The following INO80D variants were observed in gnomAD, a reference collection of about 807,000 sequenced individuals.
INO80D encodes the protein INO80 complex subunit D.
INO80D carries 21 observed loss-of-function variants against 87.6 expected under a neutral mutation model. The ratio of observed to expected loss-of-function variants is 0.24; its 90% confidence interval spans 0.17 to 0.35. INO80D has a LOEUF of 0.35. INO80D is among the 10% of genes least tolerant of loss of function. The pLI is 1.00. For missense variants in INO80D, 982 were observed against 1,280.7 expected, an observed-to-expected ratio of 0.77 and a Z score of 3.56; for synonymous variants, 440 against 491.0, an observed-to-expected ratio of 0.90 and a Z score of 1.37.
rs539380205 is a variant in INO80D, at chr2:206,015,314, G to A, written c.1542+2366C>T. Among the ~76,000 whole-genome samples the A allele has an allele frequency of 4.6e-5, 7 of 152,234 alleles. No individual in the cohort carries two copies. In the South Asian group the frequency reaches 8.3e-4, roughly 18 times the overall value. ...TCCAGGGCACGTCAGATGTCTTCTC[G>A]GCAGCCCCTCCCATCATAGGCCTGG... On this transcript the variant is annotated intron_variant, in intron 8 of 10. Coordinates refer to ENST00000403263, the MANE Select transcript of INO80D (RefSeq NM_017759.5).
chr2:206,013,150 A>G (rs1475695443), intron 8 of INO80D, among the ~76,000 whole-genome samples: 1 of 152,176 alleles, frequency 6.6e-6, no homozygotes, highest in Non-Finnish European at 1.5e-5. Flanking sequence ...AATTTACATT[A>G]TACTAATTCA....
intron 4 of INO80D, among the ~76,000 whole-genome samples, chr2:206,050,967 T>TCAA (rs796687791): frequency 6.9e-6 from 1 of 145,874 alleles, no homozygotes; most frequent in Non-Finnish European, 1.6e-5. Flanking sequence ...AAACTCCGTC[T>TCAA]CAACAACAAC....
chr2:206,060,256 G>A (rs1309190823), intron 3 of INO80D, among the ~76,000 whole-genome samples: 1 of 152,004 alleles, frequency 6.6e-6, no homozygotes, highest in African/African-American at 2.4e-5. Context: ...CTTATGGCCG[G>A]GCGCAGTGGA....
intron 6 of INO80D, among the ~76,000 whole-genome samples, chr2:206,027,618 C>A (rs1326447495): frequency 1.3e-5 from 2 of 152,062 alleles, no homozygotes; most frequent in African/African-American, 4.8e-5. Flanking sequence ...GTGGGAGGGT[C>A]ATTTGAGCCC....
chr2:206,048,938 C>A (rs1689271331), intron 4 of INO80D, among the ~76,000 whole-genome samples: 1 of 152,128 alleles, frequency 6.6e-6, no homozygotes, highest in African/African-American at 2.4e-5. Flanking sequence ...TTGAAGAGGT[C>A]TTGATAAAGA....
chr2:206,007,536 G>C, intron 9 of INO80D, 95 bp from the exon 10 acceptor site: 3 of 1,397,778 alleles, frequency 2.1e-6, no homozygotes, highest in Middle Eastern at 3.7e-4. Flanking sequence ...AGAAGCTAAC[G>C]TCAGGCAGGG....
intron 6 of INO80D, among the ~76,000 whole-genome samples, chr2:206,027,135 T>C (rs1024874334): frequency 2.8e-5 from 4 of 141,718 alleles, no homozygotes; most frequent in Non-Finnish European, 6.1e-5. Context: ...CTGGAAAATT[T>C]ACACACGCAC....
chr2:206,041,206 A>G (rs1689039684), intron 5 of INO80D, among the ~76,000 whole-genome samples: 1 of 88,362 alleles, frequency 1.1e-5, no homozygotes, highest in Non-Finnish European at 3.0e-5. Flanking sequence ...ATTTAAACCC[A>G]ATAAATATCA....
chr2:206,075,237 T>C (rs932536127), intron 1 of INO80D, among the ~76,000 whole-genome samples: 2 of 152,122 alleles, frequency 1.3e-5, no homozygotes, highest in Admixed American at 1.3e-4. Context: ...ACAAAACAAT[T>C]TGACAAAAAT....
Position 206,002,486 on chromosome 2 carries a change from T to C in INO80D, c.*1882A>G, listed in dbSNP as rs1039884255. The C allele has an allele frequency of 6.6e-6, 1 of 152,134 alleles. No homozygotes were observed. Among genetic ancestry groups the C allele is most frequent in the African/African-American group, 2.4e-5 (1 of 41,436 alleles). 9.4% of individuals were successfully genotyped at this position (152,134 alleles called of 1,614,324 possible). On this transcript the variant is annotated 3_prime_UTR_variant, in exon 11 of 11. Transcript: ENST00000403263. The stretch of plus-strand genomic sequence containing the variant: ...ACCATGATTTTAAAAAAACTAAATA[T>C]ATTACAAACATATTTTTGGCCCACA...
intron 4 of INO80D, among the ~76,000 whole-genome samples, chr2:206,047,074 G>C (rs1689215849): frequency 6.7e-6 from 1 of 149,884 alleles, no homozygotes. Context: ...CCACCGCCTG[G>C]CCACACAATC....
At position 206,072,939 on chromosome 2, in the gene INO80D, T is replaced by C. The variant is rs1046478605; in HGVS notation, c.-123-9695A>G. On this transcript the variant is annotated intron_variant, in intron 1 of 10. Coordinates refer to ENST00000403263, the MANE Select transcript of INO80D (RefSeq NM_017759.5). ...AGCAGCCTCAAGCTCCTGGGCTCAA[T>C]TGATCCTTTTACCTTAGCCTCCCAA... Among the ~76,000 whole-genome samples, 4 of 151,784 alleles carry C rather than the reference T, an allele frequency of 2.6e-5. No individual in the cohort carries two copies. In the East Asian group the frequency reaches 5.8e-4, roughly 22 times the overall value.
intron 1 of INO80D, among the ~76,000 whole-genome samples, chr2:206,084,268 CA>C (rs1559470401): frequency 1.0e-3 from 148 of 147,536 alleles, no homozygotes; most frequent in East Asian, 2.8e-3. Flanking sequence ...CACACACACA[CA>C]CACACCCCAA....
intron 4 of INO80D, among the ~76,000 whole-genome samples, chr2:206,053,584 C>A (rs1277974683): frequency 6.6e-6 from 1 of 152,076 alleles, no homozygotes; most frequent in Non-Finnish European, 1.5e-5. Flanking sequence ...ACTCCCAACT[C>A]CTATAAAATA....
At chr2:206,026,971 C>T (rs1047272697) in intron 6 of INO80D, among the ~76,000 whole-genome samples, 9 of 152,094 alleles carry the variant, frequency 5.9e-5, no homozygotes, top group Non-Finnish European at 7.4e-5. Context: ...AAATTATTGT[C>T]ATGAGAATGT....
In INO80D at chr2:206,056,657, T is replaced by G; in HGVS notation, c.505A>C (p.Lys169Gln). The G allele has an allele frequency of 6.2e-7, 1 of 1,613,120 alleles. No individual in the cohort carries two copies. Among genetic ancestry groups the G allele is most frequent in the Non-Finnish European group, 8.5e-7 (1 of 1,179,492 alleles). ...TTCTGGGCCAACTTGCTCTGCAACTTCTTTCTCACAGTTGCCCCTTTCTTT... is the reference window on the plus strand; with the variant it reads ...TTCTGGGCCAACTTGCTCTGCAACTGCTTTCTCACAGTTGCCCCTTTCTTT... ...DLKKGATVRK[K>Q]LQSKLAQNRQ... Residue 169 changes from lysine to glutamine, a missense_variant, in exon 4 of 11, where the codon AAG (lysine) becomes CAG (glutamine). By Grantham distance (53) the Lys-to-Gln change is moderately conservative (BLOSUM62 1). Coordinates refer to ENST00000403263, the MANE Select transcript of INO80D (RefSeq NM_017759.5).
chr2:206,004,229 T>G lies in INO80D; in HGVS notation c.*139A>C, dbSNP rs1687958451. ...GTAGCGAGGTCCACTGCAGGGCCAC[T>G]CATTGAACTGGGAAGGGGGGTGCCC... On this transcript the variant is annotated 3_prime_UTR_variant, in exon 11 of 11. Transcript: ENST00000403263. The surrounding 1 kb of genome is among the most constrained non-coding windows in gnomAD (Gnocchi z 4.9). The G allele has an allele frequency of 1.3e-6, 1 of 757,060 alleles. No individual in the cohort carries two copies. The highest frequency in any genetic ancestry group is 1.8e-5 in the African/African-American group (1 of 56,904). 46.9% of individuals were successfully genotyped at this position (757,060 alleles called of 1,614,324 possible).
At chr2:206,072,775 C>A (rs1299096946) in intron 1 of INO80D, among the ~76,000 whole-genome samples, 1 of 151,536 alleles carries the variant, frequency 6.6e-6, no homozygotes, top group Non-Finnish European at 1.5e-5. Flanking sequence ...ATAAAGCATA[C>A]TTATTATAGA....
chr2:206,072,562 G>A lies in INO80D; in HGVS notation c.-123-9318C>T, dbSNP rs551976998. Among the ~76,000 whole-genome samples the A allele has an allele frequency of 5.3e-4, 81 of 152,186 alleles. 2 individuals are homozygous for A. The South Asian group carries it at 0.012, about 22-fold the overall frequency. On this transcript the variant is annotated intron_variant, in intron 1 of 10. Transcript: ENST00000403263. ...CAAAGTGCTAGGATTACAGGCATGAGCCACCGCGCCTGCCGTAATTCATAT... is the reference window on the plus strand; with the variant it reads ...CAAAGTGCTAGGATTACAGGCATGAACCACCGCGCCTGCCGTAATTCATAT...
Sources: allele counts gnomAD v4.1 joint callset (sites outside exome capture counted in the v4.1 genomes callset), GRCh38; gene constraint gnomAD v4.1.1; non-coding constraint Gnocchi (gnomAD v3.1); transcripts MANE v1.5; gene names NCBI Gene and HGNC (gene_info 2026-07-23, HGNC 2026-07-21).